The following ATP6V0A2 variants were observed in gnomAD, a reference collection of about 807,000 sequenced individuals.
The protein encoded by ATP6V0A2 is V-type proton ATPase 116 kDa subunit a 2.
A neutral mutation model predicts 104.4 loss-of-function variants in ATP6V0A2; 58 were observed. The ratio of observed to expected loss-of-function variants is 0.56; its 90% CI spans 0.45 to 0.69. The LOEUF (loss-of-function observed/expected upper bound fraction) is 0.69. ATP6V0A2 is among the 30% of genes least tolerant of loss of function. The pLI, the probability that ATP6V0A2 is intolerant of heterozygous loss-of-function variation, is 0.00. For synonymous variants in ATP6V0A2, 376 were observed against 397.9 expected, an observed-to-expected ratio of 0.95 and a Z score of 0.65; for missense variants, 938 against 1,062.9, an observed-to-expected ratio of 0.88 and a Z score of 1.63.
At position 123,760,656 on chromosome 12, in the gene ATP6V0A2, T is replaced by A. The variant is rs1017277952; in HGVS notation, c.*2624T>A. ...TTTATTACCATGTGTTAACAGAATCTTAAAACCCAAGGGATTTCTTCAGTA... is the reference window on the plus strand; with the variant it reads ...TTTATTACCATGTGTTAACAGAATCATAAAACCCAAGGGATTTCTTCAGTA... On this transcript the variant is annotated 3_prime_UTR_variant, in exon 20 of 20. Transcript: ENST00000330342. 1 of 152,246 alleles carries A rather than the reference T, an allele frequency of 6.6e-6. No homozygotes were observed. The highest frequency in any genetic ancestry group is 1.5e-5 in the Non-Finnish European group (1 of 68,040). 9.4% of individuals were successfully genotyped at this position (152,246 alleles called of 1,614,324 possible). A position where few individuals can be genotyped will look rare whatever the true frequency, so the allele number is the denominator to read the frequency against.
chr12:123,752,059 C>T (rs1233198998), intron 16 of ATP6V0A2, among the ~76,000 whole-genome samples: 1 of 152,034 alleles, frequency 6.6e-6, no homozygotes, highest in African/African-American at 2.4e-5. Flanking sequence ...GGGGTTTTGC[C>T]ATGTTGCACA....
In ATP6V0A2 at chr12:123,712,437, A is replaced by G. The variant is rs1351114013; in HGVS notation, c.-129A>G. The G allele has an allele frequency of 3.9e-6, 2 of 513,064 alleles. No individual in the cohort carries two copies. Among genetic ancestry groups the G allele is most frequent in the East Asian group, 3.9e-5 (1 of 25,428 alleles). 31.8% of individuals were successfully genotyped at this position (513,064 alleles called of 1,614,324 possible). A position where few individuals can be genotyped will look rare whatever the true frequency, so the allele number is the denominator to read the frequency against. Reference sequence around the variant, plus strand: ...GGCGGCCGCTGCAGTCTGGAGCCCCATAGTGCGGGGCCGCGGCCAGGCCAC... The same window carrying G: ...GGCGGCCGCTGCAGTCTGGAGCCCCGTAGTGCGGGGCCGCGGCCAGGCCAC... On this transcript the variant is annotated 5_prime_UTR_variant, in exon 1 of 20. Coordinates refer to ENST00000330342, the MANE Select transcript of ATP6V0A2 (RefSeq NM_012463.4).
At chr12:123,741,580 A>G (rs2135906527) in intron 9 of ATP6V0A2, among the ~76,000 whole-genome samples, 1 of 152,194 alleles carries the variant, frequency 6.6e-6, no homozygotes, top group African/African-American at 2.4e-5. Flanking sequence ...AGCTGGAACT[A>G]CAGGCATGCA....
chr12:123,744,007 G>C lies in ATP6V0A2; in HGVS notation c.1189+72G>C. ...GCATTCTTGCTCTAAGAATGGAATA[G>C]ATATTTGGAAAGAGAGGCTGACCAT... On this transcript the variant is annotated intron_variant, in intron 10 of 19. Transcript: ENST00000330342. This position sits in a 1 kb window ranked among gnomAD's most constrained non-coding sequence, Gnocchi z 5.4. 1.3e-6 allele frequency: 2 copies of C among 1,595,786 alleles called. No homozygotes were observed. Among genetic ancestry groups the C allele is most frequent in the South Asian group, 2.2e-5 (2 of 90,622 alleles).
intron 14 of ATP6V0A2, among the ~76,000 whole-genome samples, 197 bp downstream of exon 14, chr12:123,747,922 T>C (rs1285337024): frequency 6.6e-6 from 1 of 152,136 alleles, no homozygotes; most frequent in Non-Finnish European, 1.5e-5. Flanking sequence ...ATCGAGCGCA[T>C]AGTAGTGCCA....
rs1457188149 is a variant in ATP6V0A2 at position 123,744,996 on chromosome 12, T to C, written c.1605+24T>C. 6.2e-7 allele frequency: 1 copy of C among 1,607,806 alleles called. No individual in the cohort carries two copies. The highest frequency in any genetic ancestry group is 1.1e-5 in the South Asian group (1 of 90,956). On this transcript the variant is annotated intron_variant, in intron 13 of 19. Transcript: ENST00000330342. The surrounding 1 kb of genome is among the most constrained non-coding windows in gnomAD (Gnocchi z 5.4). ...CTGTGAGTGCACCACGCTCTGTCGT[T>C]GTCTCTGGATGCTCTGTGGTGCCAC...
rs534764445 is a variant in ATP6V0A2 at position 123,745,081 on chromosome 12, C to T, written c.1605+109C>T. ...TGAGCAGGGTTCACGCTGCCCTGAG[C>T]GGGAGGTGCTCATTAGCCCCTGTGC... On this transcript the variant is annotated intron_variant, in intron 13 of 19. Coordinates refer to ENST00000330342, the MANE Select transcript of ATP6V0A2 (RefSeq NM_012463.4). 2.2e-4 allele frequency: 245 copies of T among 1,115,824 alleles called. 5 individuals are homozygous for T. The South Asian group carries it at 2.8e-3, about 13-fold the overall frequency. The allele number at this position is 1,115,824 out of a possible 1,614,324, so 69.1% of individuals were successfully genotyped here. A position where few individuals can be genotyped will look rare whatever the true frequency, so the allele number is the denominator to read the frequency against.
intron 1 of ATP6V0A2, among the ~76,000 whole-genome samples, chr12:123,717,230 G>A (rs914699042): frequency 2.8e-4 from 42 of 148,548 alleles, no homozygotes; most frequent in African/African-American, 8.8e-4. Context: ...CAGGAGAATC[G>A]CTTGAACCTG....
Position 123,760,814 on chromosome 12 carries a change from C to G in ATP6V0A2, c.*2782C>G, listed in dbSNP as rs183280767. ...TTTCCAGCAGCGAAAGGACTTGGAA[C>G]TCCTCTTTCGCTGAATGCTGCTCTG... On this transcript the variant is annotated 3_prime_UTR_variant, in exon 20 of 20. Transcript: ENST00000330342. 10 of 152,332 alleles carry G rather than the reference C, an allele frequency of 6.6e-5. No individual in the cohort carries two copies. Among genetic ancestry groups the G allele is most frequent in the African/African-American group, 2.2e-4 (9 of 41,584 alleles). 9.4% of individuals were successfully genotyped at this position (152,332 alleles called of 1,614,324 possible).
intron 9 of ATP6V0A2, chr12:123,737,483 G>A (rs1211135257): frequency 4.5e-5 from 25 of 550,762 alleles, no homozygotes; most frequent in South Asian, 5.7e-5. Context: ...TCCTGGCCCC[G>A]AGCGATCCTC....
At chr12:123,721,607 C>T (rs548429432) in intron 2 of ATP6V0A2, 4 of 213,420 alleles carry the variant, frequency 1.9e-5, no homozygotes, top group Admixed American at 8.4e-5. Context: ...CCACGACTGG[C>T]ACCATTTTCC....
chr12:123,742,184 G>A (rs890827779), intron 9 of ATP6V0A2, among the ~76,000 whole-genome samples: 1 of 152,230 alleles, frequency 6.6e-6, no homozygotes, highest in Non-Finnish European at 1.5e-5. Context: ...CCTACTCTTG[G>A]ACTGGACAGA....
In ATP6V0A2 at chr12:123,759,896, G is replaced by A. The variant is rs1299134109; in HGVS notation, c.*1864G>A. 3 of 152,338 alleles carry A rather than the reference G, an allele frequency of 2.0e-5. No individual in the cohort carries two copies. The East Asian group carries it at 5.8e-4, about 29-fold the overall frequency. The allele number at this position is 152,338 out of a possible 1,614,324, so 9.4% of individuals were successfully genotyped here. A position where few individuals can be genotyped will look rare whatever the true frequency, so the allele number is the denominator to read the frequency against. On this transcript the variant is annotated 3_prime_UTR_variant, in exon 20 of 20. Transcript: ENST00000330342. ...AATTATCAAATGATGCCGATGAAAT[G>A]CTTGAAAATGATTCTGCTCTCAAAG... is the stretch of plus-strand genomic sequence containing the variant.
intron 15 of ATP6V0A2, chr12:123,750,111 C>G (rs1320978223): frequency 1.3e-5 from 2 of 152,140 alleles, no homozygotes; most frequent in African/African-American, 4.8e-5. Flanking sequence ...CAGGGGCGTT[C>G]AGTGGGCACA....
rs377561982 is a variant in ATP6V0A2, at chr12:123,735,575, G to A, written c.776G>A (p.Arg259Gln). 7.4e-5 allele frequency: 120 copies of A among 1,613,968 alleles called. No homozygotes were observed. Among genetic ancestry groups the A allele is most frequent in the Non-Finnish European group, 9.6e-5 (113 of 1,179,964 alleles). Residue 259 changes from arginine to glutamine, a missense_variant, in exon 8 of 20, where the codon CGG becomes CAG. Physicochemically the swap from Arg to Gln is conservative, Grantham distance 43. Transcript: ENST00000330342. ...VYPYPNTAEE[R>Q]REIQEGLNTR... ...CCCTATCCAAACACAGCCGAGGAGC[G>A]GAGGGAGATCCAGGAGGGGCTGAAC...
chr12:123,729,964 G>A (rs985739774), intron 6 of ATP6V0A2, among the ~76,000 whole-genome samples: 3 of 151,292 alleles, frequency 2.0e-5, no homozygotes, highest in Admixed American at 6.6e-5. Flanking sequence ...ATATAGGCGT[G>A]GACCACCACA....
At chr12:123,745,101 C>G (rs1381807298) in intron 13 of ATP6V0A2, 129 bp downstream of exon 13, 1 of 931,632 alleles carries the variant, frequency 1.1e-6, no homozygotes, top group African/African-American at 1.6e-5. Flanking sequence ...TCATTAGCCC[C>G]TGTGCATCCC....
At chr12:123,738,492 CCAATTT>C (rs1366348057) in intron 9 of ATP6V0A2, among the ~76,000 whole-genome samples, 1 of 152,086 alleles carries the variant, frequency 6.6e-6, no homozygotes, top group Non-Finnish European at 1.5e-5. Flanking sequence ...CTTTTTCTTA[CCAATTT>C]CTGTTGGCTC....
chr12:123,745,003 G>A (rs1956647531), intron 13 of ATP6V0A2, 31 bp downstream of exon 13: 5 of 1,600,918 alleles, frequency 3.1e-6, no homozygotes, highest in African/African-American at 1.3e-5. Flanking sequence ...CGTTGTCTCT[G>A]GATGCTCTGT....
Sources: allele counts gnomAD v4.1 joint callset (sites outside exome capture counted in the v4.1 genomes callset), GRCh38; gene constraint gnomAD v4.1.1; non-coding constraint Gnocchi (gnomAD v3.1); transcripts MANE v1.5; gene names NCBI Gene and HGNC (gene_info 2026-07-23, HGNC 2026-07-21).